Variants in PPP1R3E observed in about 807,000 individuals in gnomAD.
PPP1R3E encodes the protein protein phosphatase 1, regulatory (inhibitor) subunit 3E.
In PPP1R3E, 20 loss-of-function variants were observed where a neutral mutation model predicts 18.5. The observed-to-expected ratio is 1.08, with a 90% CI of 0.76 to 1.58. The LOEUF (loss-of-function observed/expected upper bound fraction) is 1.58. Among genes scored for constraint, PPP1R3E ranks in the 40% most tolerant of loss-of-function variants. The probability of loss-of-function intolerance (pLI) is 0.00; values close to 1 mark genes in which losing one functional copy is unlikely to be tolerated. For missense variants in PPP1R3E, 498 were observed against 460.2 expected (o/e 1.08, Z -0.75); for synonymous variants, 208 against 208.1 (o/e 1.00, Z 0.00).
intron 3 of PPP1R3E, 172 bp from the exon 4 acceptor site, chr14:23,299,713 G>C (rs1025906150): frequency 6.6e-6 from 1 of 151,924 alleles, no homozygotes; most frequent in African/African-American, 2.4e-5. Flanking sequence ...GAAGCAAAGA[G>C]GTTAGGAATA....
At chr14:23,301,202 C>T in intron 2 of PPP1R3E, 96 bp downstream of exon 2, 1 of 417,692 alleles carries the variant, frequency 2.4e-6, no homozygotes, top group Non-Finnish European at 4.1e-6. Context: ...TCACATCCAA[C>T]CAGCTTTTAA....
Position 23,298,604 on chromosome 14 carries a change from C to A in PPP1R3E, c.*700G>T, listed in dbSNP as rs563590102. ...CACAAGTGTTAAGTAAATGTGAGCC[C>A]TCACTATTGTTCATACAACATGGCA... On this transcript the variant is annotated 3_prime_UTR_variant, in exon 5 of 5. Transcript: ENST00000452015. 1 of 154,342 alleles carries A rather than the reference C, an allele frequency of 6.5e-6. No homozygotes were observed. The highest frequency in any genetic ancestry group is 2.0e-4 in the South Asian group (1 of 4,904). 9.6% of individuals were successfully genotyped at this position (154,342 alleles called of 1,614,324 possible). A position where few individuals can be genotyped will look rare whatever the true frequency, so the allele number is the denominator to read the frequency against.
intron 1 of PPP1R3E, 39 bp downstream of exon 1, chr14:23,302,121 G>C (rs1333030247): frequency 7.2e-7 from 1 of 1,391,778 alleles, no homozygotes; most frequent in Non-Finnish European, 9.3e-7. Flanking sequence ...CGGCCGACTG[G>C]AGGAGGTCCC....
At position 23,301,590 on chromosome 14, in the gene PPP1R3E, G is replaced by C. The variant is rs1209869819; in HGVS notation, c.686C>G (p.Pro229Arg). The change falls in exon 2 of 5, where the codon CCG (proline) becomes CGG (arginine). Residue 229 changes from proline (P) to arginine (R), a missense_variant. Coordinates refer to ENST00000452015, the MANE Select transcript of PPP1R3E (RefSeq NM_001276318.2). ...DRFAFRLPAP[P>R]IGGALLFALR... Reference sequence around the variant, plus strand: ...GGCGAAGAGCAGGGCGCCCCCAATCGGCGGCGCGGGCAGGCGGAAGGCGAA... The same window carrying C: ...GGCGAAGAGCAGGGCGCCCCCAATCCGCGGCGCGGGCAGGCGGAAGGCGAA... 1 of 1,446,868 alleles carries C rather than the reference G, an allele frequency of 6.9e-7. No homozygotes were observed. Among genetic ancestry groups the C allele is most frequent in the Admixed American group, 2.4e-5 (1 of 40,992 alleles). The allele number at this position is 1,446,868 out of a possible 1,614,324, so 89.6% of individuals were successfully genotyped here. A position where few individuals can be genotyped will look rare whatever the true frequency, so the allele number is the denominator to read the frequency against.
chr14:23,299,157 G>A (rs1390669015), intron 4 of PPP1R3E, among the ~76,000 whole-genome samples: 1 of 152,048 alleles, frequency 6.6e-6, no homozygotes, highest in East Asian at 1.9e-4. Flanking sequence ...GTAGAGACAG[G>A]GTTTCAGTAT....
In PPP1R3E at chr14:23,301,714, G is replaced by A. The variant is rs910688548; in HGVS notation, c.562C>T (p.Arg188Cys). The A allele has an allele frequency of 1.4e-6, 2 of 1,397,218 alleles. No homozygotes were observed. The highest frequency in any genetic ancestry group is 3.1e-5 in the East Asian group (1 of 31,768). 86.6% of individuals were successfully genotyped at this position (1,397,218 alleles called of 1,614,324 possible). A position where few individuals can be genotyped will look rare whatever the true frequency, so the allele number is the denominator to read the frequency against. Residue 188 changes from arginine (R) to cysteine (C), a missense_variant, in exon 2 of 5, where the codon CGC becomes TGC. By Grantham distance (180) the Arg-to-Cys change is radical (BLOSUM62 -3). Coordinates refer to ENST00000452015, the MANE Select transcript of PPP1R3E (RefSeq NM_001276318.2). ...TCGGCGCTCCAGCGCACGCTCACGCGCTTCTCGTAGGCCAGGTCCACCACG... is the reference window on the plus strand; with the variant it reads ...TCGGCGCTCCAGCGCACGCTCACGCACTTCTCGTAGGCCAGGTCCACCACG... Reference protein sequence around the residue: ...ARVVDLAYEKRVSVRWSADGW... With the variant: ...ARVVDLAYEKCVSVRWSADGW...
rs1483595287 is a variant in PPP1R3E at position 23,302,210 on chromosome 14, C to A, written c.367G>T (p.Asp123Tyr). The change falls in exon 1 of 5, where the codon GAC becomes TAC. Residue 123 changes from aspartate to tyrosine, a missense_variant. Transcript: ENST00000452015. ...PRHVQIQLQRDALRHFAPCQP... is the reference protein window; with the variant it reads ...PRHVQIQLQRYALRHFAPCQP... The stretch of plus-strand genomic sequence containing the variant: ...CAGGGCGCGAAGTGGCGGAGGGCGT[C>A]CCTCTGCAATTGGATCTGCACGTGG... 1 of 1,471,746 alleles carries A rather than the reference C, an allele frequency of 6.8e-7. No homozygotes were observed. 91.2% of individuals were successfully genotyped at this position (1,471,746 alleles called of 1,614,324 possible).
chr14:23,301,731 T>C lies in PPP1R3E; in HGVS notation c.545A>G (p.Asp182Gly). The C allele has an allele frequency of 1.4e-6, 2 of 1,412,482 alleles. No homozygotes were observed. The highest frequency in any genetic ancestry group is 1.8e-6 in the Non-Finnish European group (2 of 1,085,852). The allele number at this position is 1,412,482 out of a possible 1,614,324, so 87.5% of individuals were successfully genotyped here. A position where few individuals can be genotyped will look rare whatever the true frequency, so the allele number is the denominator to read the frequency against. The change falls in exon 2 of 5, where the codon GAC becomes GGC. Residue 182 changes from aspartate to glycine, a missense_variant. By Grantham distance (94) the Asp-to-Gly change is moderately conservative. Coordinates refer to ENST00000452015, the MANE Select transcript of PPP1R3E (RefSeq NM_001276318.2). Reference protein sequence around the residue: ...LGVAGSARVVDLAYEKRVSVR... With the variant: ...LGVAGSARVVGLAYEKRVSVR... ...GCTCACGCGCTTCTCGTAGGCCAGG[T>C]CCACCACGCGCGCGCTCCCGGCCAC...
In PPP1R3E at chr14:23,299,927, G is replaced by GTTTTTTTTTTTTTT. The variant is rs3079707; in HGVS notation, c.*246-400_*246-387dup. Among the ~76,000 whole-genome samples the GTTTTTTTTTTTTTT allele has an allele frequency of 9.9e-5, 10 of 100,776 alleles. 2 individuals carry two copies. Among genetic ancestry groups the GTTTTTTTTTTTTTT allele is most frequent in the Admixed American group, 3.8e-4 (3 of 7,950 alleles). 66.1% of individuals were successfully genotyped at this position (100,776 alleles called of 152,430 possible). A position where few individuals can be genotyped will look rare whatever the true frequency, so the allele number is the denominator to read the frequency against. On this transcript the variant is annotated intron_variant, in intron 3 of 4. Coordinates refer to ENST00000452015, the MANE Select transcript of PPP1R3E (RefSeq NM_001276318.2). Reference sequence around the variant, plus strand: ...GTTGCTTTGGTGTTTTTTTGTTTTTGTTTTTTTTTTTTTTTTTTTTTTACA... The same window carrying GTTTTTTTTTTTTTT: ...GTTGCTTTGGTGTTTTTTTGTTTTTGTTTTTTTTTTTTTTTTTTTTTTTTTTTTTTTTTTTTACA...
In PPP1R3E at chr14:23,302,563, C is replaced by T. The variant is rs1481608290; in HGVS notation, c.14G>A (p.Arg5Gln). ...GCGGGGAATGTCGGTGCCCGGGGGC[C>T]GCTCACGGGACATGGCAGCCCCTTC... MSRE[R>Q]PPGTDIPRNL... The change falls in exon 1 of 5, where the codon CGG becomes CAG. Residue 5 changes from arginine to glutamine, a missense_variant. Transcript: ENST00000452015. The T allele has an allele frequency of 6.1e-6, 9 of 1,475,384 alleles. No individual in the cohort carries two copies. Among genetic ancestry groups the T allele is most frequent in the Non-Finnish European group, 8.9e-7 (1 of 1,121,822 alleles). The allele number at this position is 1,475,384 out of a possible 1,614,324, so 91.4% of individuals were successfully genotyped here.
chr14:23,300,350 A>G (rs1161428589), intron 3 of PPP1R3E: 1 of 152,162 alleles, frequency 6.6e-6, no homozygotes, highest in Admixed American at 6.5e-5. Flanking sequence ...TAGGTTGGAA[A>G]ATTTGGCTCC....
At position 23,301,864 on chromosome 14, in the gene PPP1R3E, G is replaced by T; in HGVS notation, c.418-6C>A. The T allele has an allele frequency of 7.0e-7, 1 of 1,428,350 alleles. No individual in the cohort carries two copies. 88.5% of individuals were successfully genotyped at this position (1,428,350 alleles called of 1,614,324 possible). ...TCCAGGGCGGCGCGCGCCTCCTGGG[G>T]GAAAGAAGAAGCGGGAGGAGGGAGC... On this transcript the variant is annotated splice_polypyrimidine_tract_variant and splice_region_variant and intron_variant, in intron 1 of 4. Transcript: ENST00000452015.
rs903531859 is a variant in PPP1R3E, at chr14:23,297,700, C to T, written c.*1604G>A. 1 of 152,256 alleles carries T rather than the reference C, an allele frequency of 6.6e-6. No individual in the cohort carries two copies. Among genetic ancestry groups the T allele is most frequent in the Non-Finnish European group, 1.5e-5 (1 of 68,062 alleles). 9.4% of individuals were successfully genotyped at this position (152,256 alleles called of 1,614,324 possible). The stretch of plus-strand genomic sequence containing the variant: ...CACTATTTGTGTGCCTAAGAAGTAG[C>T]TCAGCCAGACCCAGCCTTGAGGCAG... On this transcript the variant is annotated 3_prime_UTR_variant, in exon 5 of 5. Transcript: ENST00000452015.
rs1056614999 is a variant in PPP1R3E at position 23,301,426 on chromosome 14, G to A, written c.*10C>T. 3 of 1,389,200 alleles carry A rather than the reference G, an allele frequency of 2.2e-6. No individual in the cohort carries two copies. The Admixed American group carries it at 9.6e-5, about 45-fold the overall frequency. The allele number at this position is 1,389,200 out of a possible 1,614,324, so 86.1% of individuals were successfully genotyped here. On this transcript the variant is annotated 3_prime_UTR_variant, in exon 2 of 5. Transcript: ENST00000452015. Reference sequence around the variant, plus strand: ...TGGTGTTTTCCGCCGTCGGCCGCAGGCGCCTCGTCTCAGATAAAGTGGATC... The same window carrying A: ...TGGTGTTTTCCGCCGTCGGCCGCAGACGCCTCGTCTCAGATAAAGTGGATC...
At chr14:23,299,597 A>C (rs1886966513) in intron 3 of PPP1R3E, 56 bp from the exon 4 acceptor site, 1 of 152,190 alleles carries the variant, frequency 6.6e-6, no homozygotes, top group South Asian at 2.1e-4. Flanking sequence ...AACAAATGGA[A>C]ATAAACAAAA....
In PPP1R3E at chr14:23,301,774, C is replaced by T. The variant is rs1167676908; in HGVS notation, c.502G>A (p.Glu168Lys). The T allele has an allele frequency of 1.4e-6, 2 of 1,440,666 alleles. No individual in the cohort carries two copies. The highest frequency in any genetic ancestry group is 9.1e-7 in the Non-Finnish European group (1 of 1,102,006). 89.2% of individuals were successfully genotyped at this position (1,440,666 alleles called of 1,614,324 possible). ...CCGGCCACGCCCAGCGGGCCCGCCT[C>T]GGCGCGTTCCAGGCAGATGCGCTGC... The part of the protein sequence containing the change: ...LTQRICLERA[E>K]AGPLGVAGSA... Residue 168 changes from glutamate (E) to lysine (K), a missense_variant, in exon 2 of 5, where the codon GAG becomes AAG. Glu to Lys is a moderately conservative substitution (Grantham distance 56, BLOSUM62 1). Transcript: ENST00000452015.
chr14:23,301,502 T>C lies in PPP1R3E; in HGVS notation c.774A>G (p.Leu258=). The change falls in exon 2 of 5, where the codon CTA becomes CTG. Residue 258 remains leucine (L), a synonymous_variant. Transcript: ENST00000452015. ...WDNNGGRDYA[L]RGPEHPGSGG... ...CACTGCCCGGGTGCTCGGGCCCACG[T>C]AGAGCATAGTCACGGCCGCCGTTGT... is the stretch of plus-strand genomic sequence containing the variant. 1 of 1,488,444 alleles carries C rather than the reference T, an allele frequency of 6.7e-7. No homozygotes were observed. The highest frequency in any genetic ancestry group is 8.9e-7 in the Non-Finnish European group (1 of 1,123,708). 92.2% of individuals were successfully genotyped at this position (1,488,444 alleles called of 1,614,324 possible).
rs1278461357 is a variant in PPP1R3E, at chr14:23,301,587, A to G, written c.689T>C (p.Ile230Thr). The change falls in exon 2 of 5, where the codon ATT (isoleucine) becomes ACT (threonine). Residue 230 changes from isoleucine (I) to threonine (T), a missense_variant. Coordinates refer to ENST00000452015, the MANE Select transcript of PPP1R3E (RefSeq NM_001276318.2). ...CAAGGCGAAGAGCAGGGCGCCCCCA[A>G]TCGGCGGCGCGGGCAGGCGGAAGGC... The part of the protein sequence containing the change: ...RFAFRLPAPP[I>T]GGALLFALRY... The G allele has an allele frequency of 4.8e-6, 7 of 1,444,666 alleles. No individual in the cohort carries two copies. Among genetic ancestry groups the G allele is most frequent in the South Asian group, 2.7e-5 (2 of 74,450 alleles). The allele number at this position is 1,444,666 out of a possible 1,614,324, so 89.5% of individuals were successfully genotyped here.
intron 2 of PPP1R3E, 155 bp downstream of exon 2, chr14:23,301,143 C>G (rs1015007813): frequency 2.9e-6 from 1 of 343,964 alleles, no homozygotes; most frequent in African/African-American, 2.1e-5. Context: ...TATAATCCCT[C>G]CGGTGCCGTT....
Sources: allele counts gnomAD v4.1 joint callset (sites outside exome capture counted in the v4.1 genomes callset), GRCh38; gene constraint gnomAD v4.1.1; transcripts MANE v1.5; gene names NCBI Gene and HGNC (gene_info 2026-07-23, HGNC 2026-07-21).